TACC2: variants seen among roughly 807,000 people sequenced by gnomAD.
TACC2 encodes the protein transforming acidic coiled-coil containing protein 2.
In TACC2, 137 loss-of-function variants were observed where a neutral mutation model predicts 227.3. The observed-to-expected ratio is 0.60, with a 90% CI of 0.52 to 0.69. The LOEUF is 0.69. Among genes scored for constraint, TACC2 ranks in the 30% least tolerant of loss-of-function variants. TACC2 has a pLI of 0.00. For missense variants in TACC2, 3,470 were observed against 3,694.4 expected (o/e 0.94, Z 1.57); for synonymous variants, 1,523 against 1,487.5 (o/e 1.02, Z -0.55).
chr10:122,253,975 T>C lies in TACC2; in HGVS notation c.8782-16T>C. The C allele has an allele frequency of 6.2e-7, 1 of 1,612,404 alleles. No individual in the cohort carries two copies. On this transcript the variant is annotated splice_polypyrimidine_tract_variant and intron_variant, in intron 22 of 22. Transcript: ENST00000369005. ...ATTTCAAACATCAGCAACTTCTTCCTTGTCTTCACTTGCAGAATAAAGAAA... is the reference window on the plus strand; with the variant it reads ...ATTTCAAACATCAGCAACTTCTTCCCTGTCTTCACTTGCAGAATAAAGAAA...
intron 1 of TACC2, among the ~76,000 whole-genome samples, chr10:122,020,632 A>G (rs555104544): frequency 2.0e-5 from 3 of 152,290 alleles, no homozygotes; most frequent in African/African-American, 7.2e-5. Flanking sequence ...GAAATCTTCA[A>G]TTAGAAGGCT....
At chr10:122,012,049 C>T (rs1046144022) in intron 1 of TACC2, among the ~76,000 whole-genome samples, 5 of 151,952 alleles carry the variant, frequency 3.3e-5, no homozygotes, top group South Asian at 2.1e-4. Flanking sequence ...ATGATTCTCC[C>T]GCTTCCGCCT....
intron 3 of TACC2, among the ~76,000 whole-genome samples, chr10:122,069,471 T>C (rs759613268): frequency 6.6e-6 from 1 of 152,142 alleles, no homozygotes; most frequent in Non-Finnish European, 1.5e-5. Context: ...CTTGATCTCC[T>C]GACCTCATGA....
chr10:122,048,374 AT>A (rs996376721), intron 2 of TACC2, among the ~76,000 whole-genome samples: 38 of 142,888 alleles, frequency 2.7e-4, no homozygotes, highest in East Asian at 1.9e-3. Flanking sequence ...ATGGAGCCTT[AT>A]TTTTTTTTTC....
intron 12 of TACC2, among the ~76,000 whole-genome samples, 166 bp downstream of exon 12, chr10:122,224,953 G>A (rs1589727211): frequency 6.6e-6 from 1 of 151,904 alleles, no homozygotes; most frequent in East Asian, 1.9e-4. Flanking sequence ...GGGGGGTTGA[G>A]GTTTGTACTC....
rs139008883 is a variant in TACC2, at chr10:122,237,515, G to C, written c.8248G>C (p.Ala2750Pro). 6.2e-6 allele frequency: 10 copies of C among 1,613,630 alleles called. No individual in the cohort carries two copies. The African/African-American group carries it at 9.3e-5, about 15-fold the overall frequency. ...GTTCCAGCAGCCCGACCTGGACTCT[G>C]CCCTCCAGATCGCCAGAGCAGAGGT... ...LLFQQPDLDS[A>P]LQIARAEIIT... The change falls in exon 17 of 23, where the codon GCC becomes CCC. Residue 2750 changes from alanine (A) to proline (P), a missense_variant. By Grantham distance (27) the Ala-to-Pro change is conservative. Coordinates refer to ENST00000369005, the MANE Select transcript of TACC2 (RefSeq NM_206862.4).
At chr10:122,060,684 C>T (rs1309497380) in intron 3 of TACC2, among the ~76,000 whole-genome samples, 5 of 152,178 alleles carry the variant, frequency 3.3e-5, no homozygotes, top group African/African-American at 1.2e-4. Context: ...GATGCCAGGA[C>T]TTGCTGATAG....
At chr10:122,129,060 AATTATTATT>A (rs34221080) in intron 5 of TACC2, among the ~76,000 whole-genome samples, 1,337 of 128,544 alleles carry the variant, frequency 0.01, 18 homozygotes, top group African/African-American at 0.033. Context: ...ATCTTATTTT[AATTATTATT>A]ATTATTATTA....
chr10:122,043,814 A>G (rs573869355), intron 2 of TACC2, among the ~76,000 whole-genome samples: 1 of 152,314 alleles, frequency 6.6e-6, no homozygotes, highest in South Asian at 2.1e-4. Context: ...TCCTGACCGC[A>G]AGTGATCTGC....
intron 5 of TACC2, among the ~76,000 whole-genome samples, chr10:122,124,745 T>G (rs763152368): frequency 1.2e-4 from 19 of 152,236 alleles, no homozygotes; most frequent in Non-Finnish European, 2.2e-4. Flanking sequence ...AGAAAAGTTG[T>G]AAGAATACTA....
At chr10:122,200,938 C>T (rs116017276) in intron 8 of TACC2, among the ~76,000 whole-genome samples, 7,699 of 143,172 alleles carry the variant, frequency 0.054, 1,364 homozygotes, top group African/African-American at 0.2. Flanking sequence ...ACGGGGAGGA[C>T]AGCGACCTCA....
chr10:122,152,341 A>G (rs1324280387), intron 7 of TACC2, among the ~76,000 whole-genome samples: 1 of 152,226 alleles, frequency 6.6e-6, no homozygotes, highest in Non-Finnish European at 1.5e-5. Context: ...GGAAGATCCA[A>G]CAACAACAAC....
chr10:122,082,805 A>T lies in TACC2; in HGVS notation c.305A>T (p.Gln102Leu). ...GSLLPSPPPS[Q>L]EREHPSSSMP... ...TTGCTGCCCAGCCCACCACCGTCCC[A>T]GGAGCGAGAGCACCCCTCGTCCTCC... Residue 102 changes from glutamine (Q) to leucine (L), a missense_variant, in exon 4 of 23, where the codon CAG (glutamine) becomes CTG (leucine). Physicochemically the swap from Gln to Leu is moderately radical, Grantham distance 113 (BLOSUM62 -2). Transcript: ENST00000369005. 3 of 1,613,754 alleles carry T rather than the reference A, an allele frequency of 1.9e-6. No homozygotes were observed. The highest frequency in any genetic ancestry group is 2.5e-6 in the Non-Finnish European group (3 of 1,180,016).
intron 8 of TACC2, among the ~76,000 whole-genome samples, chr10:122,195,936 G>T (rs1425519112): frequency 6.6e-6 from 1 of 152,196 alleles, no homozygotes; most frequent in Admixed American, 6.5e-5. Context: ...CAACTTACAG[G>T]ACCCCACTTT....
At chr10:122,002,035 A>C (rs879777808) in intron 1 of TACC2, among the ~76,000 whole-genome samples, 2 of 152,238 alleles carry the variant, frequency 1.3e-5, no homozygotes, top group African/African-American at 2.4e-5. Flanking sequence ...TAAACAACAG[A>C]AATTTATTTC....
rs759613450 is a variant in TACC2, at chr10:122,050,413, C to G, written c.34-25C>G. 1.3e-6 allele frequency: 2 copies of G among 1,587,914 alleles called. No individual in the cohort carries two copies. The highest frequency in any genetic ancestry group is 2.2e-5 in the East Asian group (1 of 44,756). On this transcript the variant is annotated intron_variant, in intron 2 of 22. Coordinates refer to ENST00000369005, the MANE Select transcript of TACC2 (RefSeq NM_206862.4). The surrounding 1 kb of genome is among the most constrained non-coding windows in gnomAD (Gnocchi z 4.6). ...CAGAGACTCCTATCTGATTTCCTTT[C>G]CAATTTCTTTTTCTCCTGGCTCAGA...
intron 1 of TACC2, among the ~76,000 whole-genome samples, chr10:122,004,919 GTTGT>G (rs1288908932): frequency 1.3e-5 from 2 of 152,002 alleles, no homozygotes; most frequent in African/African-American, 4.8e-5. Flanking sequence ...TTATCTAAGA[GTTGT>G]TTTAGTTTTA....
chr10:122,124,578 C>T (rs1208108732), intron 5 of TACC2, among the ~76,000 whole-genome samples: 1 of 152,198 alleles, frequency 6.6e-6, no homozygotes, highest in African/African-American at 2.4e-5. Context: ...GCTAGGTGTC[C>T]CCCCAGCTGC....
chr10:122,042,484 C>T (rs1422086054), intron 2 of TACC2, among the ~76,000 whole-genome samples: 1 of 152,002 alleles, frequency 6.6e-6, no homozygotes, highest in Non-Finnish European at 1.5e-5. Context: ...CTCAAGTGAT[C>T]CACCCGCCTC....
Sources: allele counts gnomAD v4.1 joint callset (sites outside exome capture counted in the v4.1 genomes callset), GRCh38; gene constraint gnomAD v4.1.1; non-coding constraint Gnocchi (gnomAD v3.1); transcripts MANE v1.5; gene names NCBI Gene and HGNC (gene_info 2026-07-23, HGNC 2026-07-21).